PKIA: variants seen among roughly 807,000 people sequenced by gnomAD.
The protein encoded by PKIA is PKI-alpha.
Under a neutral mutation model 7.6 loss-of-function variants are expected in PKIA, and 4 were observed. That is an observed-to-expected ratio of 0.52 (90% CI 0.26 to 1.20). PKIA has a LOEUF of 1.20. PKIA is among the 50% of genes most tolerant of loss of function. The pLI, the probability that PKIA is intolerant of heterozygous loss-of-function variation, is 0.13. For synonymous variants in PKIA, 21 were observed against 30.7 expected (o/e 0.68, Z 1.04); for missense variants, 73 against 86.2 (o/e 0.85, Z 0.61).
intron 1 of PKIA, among the ~76,000 whole-genome samples, chr8:78,554,774 A>G (rs1421747573): frequency 6.6e-6 from 1 of 152,100 alleles, no homozygotes; most frequent in African/African-American, 2.4e-5. Context: ...TGCAATACAT[A>G]AAGATGCATT....
chr8:78,520,267 G>A (rs1298825166), intron 1 of PKIA, among the ~76,000 whole-genome samples: 1 of 152,124 alleles, frequency 6.6e-6, no homozygotes, highest in Non-Finnish European at 1.5e-5. Context: ...TAAATATACT[G>A]AGAGTACATT....
chr8:78,545,390 A>AT (rs981971714), intron 1 of PKIA, among the ~76,000 whole-genome samples: 15 of 151,998 alleles, frequency 9.9e-5, no homozygotes, highest in African/African-American at 2.9e-4. Flanking sequence ...CATAGCTTGG[A>AT]TTTTTTTTAA....
At chr8:78,575,282 A>G (rs1436430536) in intron 2 of PKIA, among the ~76,000 whole-genome samples, 2 of 151,866 alleles carry the variant, frequency 1.3e-5, no homozygotes, top group Non-Finnish European at 2.9e-5. Context: ...TTTGTCATAA[A>G]AAGTGTAACT....
rs1290137036 is a variant in PKIA at position 78,516,340 on chromosome 8, G to C, written c.-285G>C. 3 of 152,240 alleles carry C rather than the reference G, an allele frequency of 2.0e-5. No homozygotes were observed. The highest frequency in any genetic ancestry group is 7.2e-5 in the African/African-American group (3 of 41,430). 9.4% of individuals were successfully genotyped at this position (152,240 alleles called of 1,614,324 possible). A position where few individuals can be genotyped will look rare whatever the true frequency, so the allele number is the denominator to read the frequency against. ...CTTCATGCAGCCGGAGCTCCGCGGC[G>C]GGAGCGGAGGCTGCTGCTGGCAGGT... is the stretch of plus-strand genomic sequence containing the variant. On this transcript the variant is annotated 5_prime_UTR_variant, in exon 1 of 4. Transcript: ENST00000396418.
chr8:78,586,450 C>T (rs1191392847), intron 2 of PKIA, among the ~76,000 whole-genome samples: 1 of 151,958 alleles, frequency 6.6e-6, no homozygotes, highest in Non-Finnish European at 1.5e-5. Flanking sequence ...ACAGAGTGTG[C>T]TTTTACTATC....
In PKIA at chr8:78,602,794, T is replaced by G. The variant is rs1303232148; in HGVS notation, c.*973T>G. On this transcript the variant is annotated 3_prime_UTR_variant, in exon 4 of 4. Coordinates refer to ENST00000396418, the MANE Select transcript of PKIA (RefSeq NM_006823.4). ...CATACTAAGGACTGGAAATATTTTG[T>G]TCTATGGAATCAAATTTCTCACAAT... 6.6e-6 allele frequency: 1 copy of G among 151,508 alleles called. No individual in the cohort carries two copies. The highest frequency in any genetic ancestry group is 1.5e-5 in the Non-Finnish European group (1 of 67,776). 9.4% of individuals were successfully genotyped at this position (151,508 alleles called of 1,614,324 possible). A position where few individuals can be genotyped will look rare whatever the true frequency, so the allele number is the denominator to read the frequency against.
At chr8:78,526,094 C>T (rs1241535129) in intron 1 of PKIA, among the ~76,000 whole-genome samples, 1 of 151,988 alleles carries the variant, frequency 6.6e-6, no homozygotes, top group African/African-American at 2.4e-5. Flanking sequence ...TTTACACAGC[C>T]AGACCTCATT....
At chr8:78,600,464 C>CT (rs1349402305) in intron 3 of PKIA, among the ~76,000 whole-genome samples, 2 of 152,032 alleles carry the variant, frequency 1.3e-5, no homozygotes, top group East Asian at 3.9e-4. Flanking sequence ...GGTCCCAAGC[C>CT]CCATGGGAGT....
chr8:78,564,739 A>C (rs1016081887), intron 1 of PKIA, among the ~76,000 whole-genome samples: 3 of 151,950 alleles, frequency 2.0e-5, no homozygotes, highest in Non-Finnish European at 4.4e-5. Flanking sequence ...TTTCAACAAT[A>C]AGAAAATGAT....
chr8:78,585,506 CAT>C (rs1458937188), intron 2 of PKIA, among the ~76,000 whole-genome samples: 1 of 152,004 alleles, frequency 6.6e-6, no homozygotes. Context: ...AACGTTCAGA[CAT>C]GTAATAGCAA....
intron 1 of PKIA, among the ~76,000 whole-genome samples, chr8:78,525,438 C>T (rs1809523824): frequency 6.6e-6 from 1 of 151,854 alleles, no homozygotes; most frequent in Non-Finnish European, 1.5e-5. Flanking sequence ...GACTATTTCA[C>T]CACAAAATTC....
chr8:78,538,463 T>C (rs1806591882), intron 1 of PKIA, among the ~76,000 whole-genome samples: 1 of 152,088 alleles, frequency 6.6e-6, no homozygotes, highest in Non-Finnish European at 1.5e-5. Context: ...CTAGAATAAT[T>C]CTCAAGGAGA....
intron 2 of PKIA, among the ~76,000 whole-genome samples, chr8:78,595,271 A>G (rs1248627745): frequency 5.9e-5 from 9 of 152,210 alleles, no homozygotes; most frequent in African/African-American, 1.7e-4. Flanking sequence ...GACCTAGAGG[A>G]AACTAAAAAG....
intron 1 of PKIA, among the ~76,000 whole-genome samples, chr8:78,554,484 T>G (rs1807077932): frequency 6.6e-6 from 1 of 151,978 alleles, no homozygotes; most frequent in African/African-American, 2.4e-5. Flanking sequence ...GCTAAGAAAT[T>G]GTTGAAGGCC....
intron 1 of PKIA, among the ~76,000 whole-genome samples, chr8:78,548,151 A>G (rs1806882057): frequency 6.6e-6 from 1 of 152,128 alleles, no homozygotes; most frequent in Admixed American, 6.6e-5. Context: ...GGTTTGATGT[A>G]TTTTCTTAAA....
At chr8:78,542,998 T>C (rs997271112) in intron 1 of PKIA, among the ~76,000 whole-genome samples, 5 of 152,116 alleles carry the variant, frequency 3.3e-5, no homozygotes, top group Non-Finnish European at 7.4e-5. Flanking sequence ...GGAAGTAGCA[T>C]GAAGATGTGC....
intron 1 of PKIA, among the ~76,000 whole-genome samples, chr8:78,565,567 A>ATTT (rs1807387576): frequency 6.6e-6 from 1 of 152,000 alleles, no homozygotes; most frequent in Non-Finnish European, 1.5e-5. Flanking sequence ...TTGCATAGTT[A>ATTT]GAAGCTCCTA....
In PKIA at chr8:78,597,091, G is replaced by T. The variant is rs958910300; in HGVS notation, c.-27-1267G>T. ...TGTTTTAGGTTCCCATAGCCTTGTA[G>T]TATAGCTTAAGTTTGGGTAGCGTGA... On this transcript the variant is annotated intron_variant, in intron 2 of 3. Transcript: ENST00000396418. 2.0e-4 allele frequency among the ~76,000 whole-genome samples: 31 copies of T among 152,228 alleles called. No individual in the cohort carries two copies. In the South Asian group the frequency reaches 2.3e-3, roughly 11 times the overall value.
At chr8:78,542,424 A>G (rs1365368390) in intron 1 of PKIA, among the ~76,000 whole-genome samples, 1 of 152,098 alleles carries the variant, frequency 6.6e-6, no homozygotes, top group Non-Finnish European at 1.5e-5. Context: ...CCACATCTCA[A>G]AATTCAAACT....
Sources: allele counts gnomAD v4.1 joint callset (sites outside exome capture counted in the v4.1 genomes callset), GRCh38; gene constraint gnomAD v4.1.1; transcripts MANE v1.5; gene names NCBI Gene and HGNC (gene_info 2026-07-23, HGNC 2026-07-21).